Variants in PIP4P2 observed in about 807,000 individuals in gnomAD.
PIP4P2 encodes type 2 phosphatidylinositol 4,5-bisphosphate 4-phosphatase.
Under a neutral mutation model 33.3 loss-of-function variants are expected in PIP4P2, and 19 were observed. The observed-to-expected ratio is 0.57, with a 90% CI of 0.40 to 0.84. The LOEUF is 0.84. Ranked by LOEUF, PIP4P2 falls within the 40% of genes least tolerant of loss-of-function variation. The probability of loss-of-function intolerance (pLI) is 0.00; values close to 1 mark genes in which losing one functional copy is unlikely to be tolerated. For synonymous variants in PIP4P2, 110 were observed against 111.9 expected (o/e 0.98, Z 0.11); for missense variants, 270 against 324.7 (o/e 0.83, Z 1.29).
chr8:91,040,104 A>C (rs985259848), intron 1 of PIP4P2, among the ~76,000 whole-genome samples: 4 of 152,144 alleles, frequency 2.6e-5, no homozygotes, highest in African/African-American at 9.7e-5. Flanking sequence ...ATATTGATTA[A>C]CTGTATTCAT....
In PIP4P2 at chr8:91,040,818, G is replaced by T; in HGVS notation, c.-69C>A. 7.0e-7 allele frequency: 1 copy of T among 1,426,312 alleles called. No individual in the cohort carries two copies. The allele number at this position is 1,426,312 out of a possible 1,614,324, so 88.4% of individuals were successfully genotyped here. A position where few individuals can be genotyped will look rare whatever the true frequency, so the allele number is the denominator to read the frequency against. On this transcript the variant is annotated 5_prime_UTR_variant, in exon 1 of 7. Coordinates refer to ENST00000285419, the MANE Select transcript of PIP4P2 (RefSeq NM_018710.3). The stretch of plus-strand genomic sequence containing the variant: ...CGGCCTCGGCGGAGTGGTGGCTACT[G>T]CTGCTGCCTCTGCTGCCGCTGCTGC...
At chr8:91,011,124 T>C (rs1811832791) in intron 4 of PIP4P2, among the ~76,000 whole-genome samples, 1 of 151,916 alleles carries the variant, frequency 6.6e-6, no homozygotes. Flanking sequence ...TTAAAACTAT[T>C]ATCCCTCTCT....
At chr8:91,020,107 T>G in intron 3 of PIP4P2, 50 bp downstream of exon 3, 1 of 1,581,440 alleles carries the variant, frequency 6.3e-7, no homozygotes, top group East Asian at 2.2e-5. Context: ...TAGTAAATAC[T>G]TGTTGAATGA....
intron 1 of PIP4P2, among the ~76,000 whole-genome samples, chr8:91,032,728 C>T (rs1304165926): frequency 1.3e-5 from 2 of 148,252 alleles, no homozygotes; most frequent in African/African-American, 2.5e-5. Flanking sequence ...TTGCAGTGAG[C>T]CGAGATCATG....
At chr8:91,029,011 G>T (rs1812120951) in intron 1 of PIP4P2, among the ~76,000 whole-genome samples, 1 of 152,068 alleles carries the variant, frequency 6.6e-6, no homozygotes, top group African/African-American at 2.4e-5. Flanking sequence ...CAGAAATTAT[G>T]GCTGGGCACA....
chr8:91,035,744 C>T (rs1812224219), intron 1 of PIP4P2, among the ~76,000 whole-genome samples: 1 of 152,104 alleles, frequency 6.6e-6, no homozygotes, highest in Non-Finnish European at 1.5e-5. Context: ...CTGGAGGTCG[C>T]TGGGCCTGGT....
chr8:90,996,582 G>A (rs1811631836), intron 6 of PIP4P2, 72 bp downstream of exon 6: 1 of 1,290,638 alleles, frequency 7.7e-7, no homozygotes, highest in Non-Finnish European at 1.1e-6. Flanking sequence ...CCTGAAGGTT[G>A]TCCCAGGCCT....
At position 91,020,227 on chromosome 8, in the gene PIP4P2, T is replaced by C; in HGVS notation, c.292A>G (p.Arg98Gly). ...ATGAGAAGACAATTACAAGGGCATC[T>C]AACATATTTCTTGCCTGTTGGGGGG... ...KNPPTGKKYV[R>G]CPCNCLLICK... is the part of the protein sequence containing the mutation. The change falls in exon 3 of 7, where the codon AGA becomes GGA. Residue 98 changes from arginine (R) to glycine (G), a missense_variant. Arg to Gly is a moderately radical substitution (Grantham distance 125, BLOSUM62 -2). Transcript: ENST00000285419. 1 of 1,613,808 alleles carries C rather than the reference T, an allele frequency of 6.2e-7. No homozygotes were observed. The highest frequency in any genetic ancestry group is 8.5e-7 in the Non-Finnish European group (1 of 1,179,808).
chr8:90,999,643 A>C (rs1811677258), intron 5 of PIP4P2, among the ~76,000 whole-genome samples: 1 of 152,068 alleles, frequency 6.6e-6, no homozygotes, highest in South Asian at 2.1e-4. Context: ...TCAAATTCAG[A>C]GGTCTACTAA....
At chr8:91,003,375 T>C (rs10108486) in intron 5 of PIP4P2, among the ~76,000 whole-genome samples, 110,918 of 152,092 alleles carry the variant, frequency 0.73, 41,397 homozygotes, top group African/African-American at 0.83. Flanking sequence ...AGAATTAAAA[T>C]GTCAAGGGAC....
Position 91,021,354 on chromosome 8 carries a change from T to C in PIP4P2, c.157A>G (p.Ile53Val). The C allele has an allele frequency of 6.2e-7, 1 of 1,613,876 alleles. No homozygotes were observed. The highest frequency in any genetic ancestry group is 8.5e-7 in the Non-Finnish European group (1 of 1,179,830). ...CACACACGGCAGTTTATTACTGGAA[T>C]ACCACTGGCGTCTGGACTGGCAATG... ...TAIASPDASG[I>V]PVINCRVCQS... Residue 53 changes from isoleucine to valine, a missense_variant, in exon 2 of 7, where the codon ATT becomes GTT. Ile to Val is a conservative substitution (Grantham distance 29). Coordinates refer to ENST00000285419, the MANE Select transcript of PIP4P2 (RefSeq NM_018710.3).
chr8:91,025,757 T>C (rs1042317660), intron 1 of PIP4P2, among the ~76,000 whole-genome samples: 3 of 152,214 alleles, frequency 2.0e-5, no homozygotes, highest in Non-Finnish European at 2.9e-5. Flanking sequence ...TTTTTTCTCC[T>C]CTAATTTTCA....
chr8:91,005,233 C>G (rs1811750400), intron 5 of PIP4P2, among the ~76,000 whole-genome samples: 1 of 152,104 alleles, frequency 6.6e-6, no homozygotes, highest in Non-Finnish European at 1.5e-5. Flanking sequence ...GAAATAGGGT[C>G]ATTCTTGATC....
At chr8:91,019,235 G>A (rs900356057) in intron 3 of PIP4P2, among the ~76,000 whole-genome samples, 5 of 150,992 alleles carry the variant, frequency 3.3e-5, no homozygotes, top group African/African-American at 9.7e-5. Flanking sequence ...ACACTTGCAG[G>A]TGAAGATTAA....
At chr8:91,040,202 G>T (rs1812284778) in intron 1 of PIP4P2, among the ~76,000 whole-genome samples, 1 of 152,172 alleles carries the variant, frequency 6.6e-6, no homozygotes, top group Non-Finnish European at 1.5e-5. Flanking sequence ...CCCTTTCAAG[G>T]ACAGATGCCA....
At chr8:91,006,679 C>A (rs1281717643) in intron 5 of PIP4P2, among the ~76,000 whole-genome samples, 1 of 152,156 alleles carries the variant, frequency 6.6e-6, no homozygotes, top group East Asian at 1.9e-4. Context: ...CCACAGAGGT[C>A]TCTGTCAGGC....
intron 1 of PIP4P2, among the ~76,000 whole-genome samples, chr8:91,039,986 C>T (rs2130388165): frequency 6.6e-6 from 1 of 152,128 alleles, no homozygotes; most frequent in African/African-American, 2.4e-5. Flanking sequence ...TCCCATCTTC[C>T]CTTCTATGAG....
rs375400137 is a variant in PIP4P2, at chr8:90,998,896, C to T, written c.540-2152G>A. On this transcript the variant is annotated intron_variant, in intron 5 of 6. Coordinates refer to ENST00000285419, the MANE Select transcript of PIP4P2 (RefSeq NM_018710.3). ...TTCATGATGATGACACCAAAAGAAA[C>T]TGCAACAAAAGCAAAAATGAACAAA... Among the ~76,000 whole-genome samples, 7 of 151,966 alleles carry T rather than the reference C, an allele frequency of 4.6e-5. No homozygotes were observed. In the East Asian group the frequency reaches 7.7e-4, roughly 17 times the overall value.
At chr8:91,029,109 C>T (rs903154231) in intron 1 of PIP4P2, among the ~76,000 whole-genome samples, 2 of 151,992 alleles carry the variant, frequency 1.3e-5, no homozygotes, top group South Asian at 4.2e-4. Flanking sequence ...TGGCCAACAT[C>T]ATGAAACCCC....
Sources: allele counts gnomAD v4.1 joint callset (sites outside exome capture counted in the v4.1 genomes callset), GRCh38; gene constraint gnomAD v4.1.1; transcripts MANE v1.5; gene names NCBI Gene and HGNC (gene_info 2026-07-23, HGNC 2026-07-21).